The following ADGRL3 variants were observed in gnomAD, a reference collection of about 807,000 sequenced individuals.
ADGRL3 encodes the protein adhesion G protein-coupled receptor L3.
A neutral mutation model predicts 153.5 loss-of-function variants in ADGRL3; 62 were observed. The ratio of observed to expected loss-of-function variants is 0.40; its 90% CI spans 0.33 to 0.50. The LOEUF is 0.50. Among genes scored for constraint, ADGRL3 ranks in the 20% least tolerant of loss-of-function variants. The probability of loss-of-function intolerance (pLI) is 0.47; values close to 1 mark genes in which losing one functional copy is unlikely to be tolerated. For missense variants in ADGRL3, 1,641 were observed against 1,859.4 expected, an observed-to-expected ratio of 0.88 and a Z score of 2.16; for synonymous variants, 710 against 672.5, an observed-to-expected ratio of 1.06 and a Z score of -0.86.
intron 15 of ADGRL3, among the ~76,000 whole-genome samples, chr4:61,945,903 G>T (rs960963161): frequency 4.6e-5 from 7 of 152,234 alleles, no homozygotes; most frequent in Non-Finnish European, 8.8e-5. Context: ...CTTCTGCGTC[G>T]CTCACGCTGG....
At chr4:61,869,245 A>AT (rs1014635844) in intron 9 of ADGRL3, among the ~76,000 whole-genome samples, 41 of 149,430 alleles carry the variant, frequency 2.7e-4, no homozygotes, top group African/African-American at 5.9e-4. Flanking sequence ...TGCCCAGCCC[A>AT]TTTTTTTTTT....
intron 16 of ADGRL3, among the ~76,000 whole-genome samples, chr4:61,947,514 ATGTGAGACG>A (rs1416469355): frequency 6.6e-6 from 1 of 152,184 alleles, no homozygotes; most frequent in Non-Finnish European, 1.5e-5. Context: ...ATGGGTAACT[ATGTGAGACG>A]ATGGATATAT....
intron 5 of ADGRL3, among the ~76,000 whole-genome samples, chr4:61,658,778 A>G (rs1331459983): frequency 6.6e-6 from 1 of 152,002 alleles, no homozygotes; most frequent in Non-Finnish European, 1.5e-5. Flanking sequence ...AAGCTGATTG[A>G]CACTTGTCCC....
At chr4:61,627,700 A>G (rs1209840573) in intron 5 of ADGRL3, among the ~76,000 whole-genome samples, 1 of 152,160 alleles carries the variant, frequency 6.6e-6, no homozygotes, top group Non-Finnish European at 1.5e-5. Context: ...ATTACAAAAG[A>G]CTGCATTTTA....
At chr4:61,656,621 GT>G in intron 5 of ADGRL3, among the ~76,000 whole-genome samples, 1 of 152,140 alleles carries the variant, frequency 6.6e-6, no homozygotes, top group African/African-American at 2.4e-5. Context: ...ATTTTGTTTT[GT>G]TTTTTACAAA....
At position 61,733,560 on chromosome 4, in the gene ADGRL3, T is replaced by C. The variant is rs780659819; in HGVS notation, c.1399+6T>C. The C allele has an allele frequency of 6.3e-7, 1 of 1,590,468 alleles. No homozygotes were observed. Among genetic ancestry groups the C allele is most frequent in the Non-Finnish European group, 8.6e-7 (1 of 1,161,620 alleles). ...ACCTCTGGATAGTAGATCAGGTAAG[T>C]TCAACCTTTTGTGGTACTCTTTGGG... On this transcript the variant is annotated splice_donor_region_variant and intron_variant, in intron 8 of 26. Coordinates refer to ENST00000683033, the MANE Select transcript of ADGRL3 (RefSeq NM_001387552.1).
At chr4:61,858,203 A>G (rs2098299873) in intron 9 of ADGRL3, among the ~76,000 whole-genome samples, 1 of 152,214 alleles carries the variant, frequency 6.6e-6, no homozygotes, top group Non-Finnish European at 1.5e-5. Flanking sequence ...AAAATACCAG[A>G]TAGTAAATAT....
intron 9 of ADGRL3, among the ~76,000 whole-genome samples, chr4:61,877,237 CACA>C (rs1196844199): frequency 2.6e-5 from 4 of 152,158 alleles, no homozygotes; most frequent in Admixed American, 6.5e-5. Context: ...TATTGGTACA[CACA>C]ACAACGTGGG....
intron 4 of ADGRL3, among the ~76,000 whole-genome samples, chr4:61,570,214 A>G (rs1307459344): frequency 6.6e-6 from 1 of 152,026 alleles, no homozygotes; most frequent in Non-Finnish European, 1.5e-5. Context: ...TATCTTTGCT[A>G]TCTCCCCTGA....
intron 1 of ADGRL3, among the ~76,000 whole-genome samples, chr4:61,282,783 A>G (rs1479573850): frequency 6.6e-6 from 1 of 152,060 alleles, no homozygotes; most frequent in African/African-American, 2.4e-5. Flanking sequence ...AAAACCTCAT[A>G]TTTCACAGTT....
rs79169577 is a variant in ADGRL3 at position 61,863,077 on chromosome 4, C to T, written c.1481-29579C>T. 3.9e-5 allele frequency among the ~76,000 whole-genome samples: 6 copies of T among 152,152 alleles called. No individual in the cohort carries two copies. The East Asian group carries it at 1.2e-3, about 29-fold the overall frequency. ...TGAGCCACTCCAATACTGTGTGACT[C>T]CTCTCTGAGAAGTGCTAGTGGAACC... is the stretch of plus-strand genomic sequence containing the variant. On this transcript the variant is annotated intron_variant, in intron 9 of 26. Coordinates refer to ENST00000683033, the MANE Select transcript of ADGRL3 (RefSeq NM_001387552.1).
At chr4:61,229,831 C>T (rs567008384) in intron 1 of ADGRL3, among the ~76,000 whole-genome samples, 1 of 152,092 alleles carries the variant, frequency 6.6e-6, no homozygotes, top group South Asian at 2.1e-4. Flanking sequence ...TACTTGAGCC[C>T]TGGAACTTGA....
At position 62,074,408 on chromosome 4, in the gene ADGRL3, T is replaced by A. The variant is rs1275016129; in HGVS notation, c.*3500T>A. On this transcript the variant is annotated 3_prime_UTR_variant, in exon 27 of 27. Coordinates refer to ENST00000683033, the MANE Select transcript of ADGRL3 (RefSeq NM_001387552.1). Reference sequence around the variant, plus strand: ...GGGACACTAGCTAATGGACCTCATGTTTAGTTAATTCTGAAACTGATGGAT... The same window carrying A: ...GGGACACTAGCTAATGGACCTCATGATTAGTTAATTCTGAAACTGATGGAT... The A allele has an allele frequency of 6.6e-6, 1 of 152,186 alleles. No individual in the cohort carries two copies. Among genetic ancestry groups the A allele is most frequent in the Non-Finnish European group, 1.5e-5 (1 of 68,032 alleles). 9.4% of individuals were successfully genotyped at this position (152,186 alleles called of 1,614,324 possible). A position where few individuals can be genotyped will look rare whatever the true frequency, so the allele number is the denominator to read the frequency against.
At chr4:61,502,186 A>G (rs188016986) in intron 3 of ADGRL3, among the ~76,000 whole-genome samples, 115 of 152,278 alleles carry the variant, frequency 7.6e-4, no homozygotes, top group Admixed American at 4.2e-3. Context: ...ATAGGCAGTA[A>G]AGAAACATCA....
chr4:61,678,425 G>C (rs948834911), intron 6 of ADGRL3, among the ~76,000 whole-genome samples: 2 of 151,916 alleles, frequency 1.3e-5, no homozygotes, highest in African/African-American at 4.8e-5. Flanking sequence ...TTTCACGGCT[G>C]TCTCTTCAAT....
chr4:61,934,837 T>C lies in ADGRL3; in HGVS notation c.2113-3T>C. On this transcript the variant is annotated splice_region_variant and splice_polypyrimidine_tract_variant and intron_variant, in intron 13 of 26. Transcript: ENST00000683033. The stretch of plus-strand genomic sequence containing the variant: ...CTCTGTCATTCTTTTCATCCTCTTG[T>C]AGGCAATGGTCGAGACAGTTAACAA... 1 of 1,612,664 alleles carries C rather than the reference T, an allele frequency of 6.2e-7. No homozygotes were observed. Among genetic ancestry groups the C allele is most frequent in the South Asian group, 1.1e-5 (1 of 90,964 alleles).
intron 5 of ADGRL3, among the ~76,000 whole-genome samples, chr4:61,594,834 C>T (rs1445877364): frequency 1.3e-5 from 2 of 152,104 alleles, no homozygotes; most frequent in Non-Finnish European, 2.9e-5. Context: ...AAAACCTTAC[C>T]AATTTGCCTG....
chr4:61,428,553 A>G (rs1560615423), intron 2 of ADGRL3, among the ~76,000 whole-genome samples: 1 of 152,194 alleles, frequency 6.6e-6, no homozygotes, highest in Non-Finnish European at 1.5e-5. Context: ...ATATTGAGAG[A>G]CAGTGTATAT....
chr4:61,315,477 T>G (rs1292852282), intron 1 of ADGRL3, among the ~76,000 whole-genome samples: 1 of 152,182 alleles, frequency 6.6e-6, no homozygotes, highest in Non-Finnish European at 1.5e-5. Flanking sequence ...GCAAGGGCTC[T>G]GTATACAAAG....
Sources: gnomAD v4.1 joint callset for allele counts (sites outside exome capture counted in the v4.1 genomes callset) on GRCh38, gnomAD v4.1.1 for gene constraint, MANE v1.5 for transcripts, NCBI Gene and HGNC (gene_info 2026-07-23, HGNC 2026-07-21) for gene names.